ATP12A: variants seen among roughly 807,000 people sequenced by gnomAD.
ATP12A encodes the protein ATPase H+/K+ transporting non-gastric alpha2 subunit.
A neutral mutation model predicts 111.2 loss-of-function variants in ATP12A; 81 were observed. The ratio of observed to expected loss-of-function variants is 0.73; its 90% CI spans 0.61 to 0.88. ATP12A has a LOEUF of 0.88. Among genes scored for constraint, ATP12A ranks in the 40% least tolerant of loss-of-function variants. The pLI is 0.00. For synonymous variants in ATP12A, 498 were observed against 499.8 expected (o/e 1.00, Z 0.05); for missense variants, 1,196 against 1,313.1 (o/e 0.91, Z 1.38).
Position 24,711,662 on chromosome 13 carries a change from T to TGCAG in ATP12A, c.*142_*145dup. The TGCAG allele has an allele frequency of 8.7e-7, 1 of 1,153,764 alleles. No individual in the cohort carries two copies. Among genetic ancestry groups the TGCAG allele is most frequent in the East Asian group, 2.4e-5 (1 of 41,440 alleles). The allele number at this position is 1,153,764 out of a possible 1,614,324, so 71.5% of individuals were successfully genotyped here. On this transcript the variant is annotated 3_prime_UTR_variant, in exon 23 of 23. Transcript: ENST00000381946. ...GGAAATTTTCATGCAGAAAGCTGTA[T>TGCAG]GCAGGATGCTCACTGATGTTTTGCA...
chr13:24,711,019 A>G (rs753278866), intron 21 of ATP12A, 126 bp downstream of exon 21: 29 of 885,248 alleles, frequency 3.3e-5, no homozygotes, highest in South Asian at 6.6e-5. Context: ...AACTGATCCC[A>G]TGCTCTGTGA....
intron 16 of ATP12A, 23 bp downstream of exon 16, chr13:24,707,214 T>C: frequency 1.9e-6 from 3 of 1,613,216 alleles, no homozygotes; most frequent in Non-Finnish European, 2.5e-6. Context: ...CAGGGGGTCT[T>C]CCCAAGGGCC....
At chr13:24,688,031 G>A (rs1867768) in intron 3 of ATP12A, among the ~76,000 whole-genome samples, 35,611 of 152,042 alleles carry the variant, frequency 0.23, 4,641 homozygotes, top group East Asian at 0.47. Flanking sequence ...CCACCTCTGC[G>A]AATGACGAGA....
Position 24,685,521 on chromosome 13 carries a change from T to C in ATP12A, c.228+148T>C. On this transcript the variant is annotated intron_variant, in intron 3 of 22. Coordinates refer to ENST00000381946, the MANE Select transcript of ATP12A (RefSeq NM_001676.7). The surrounding 1 kb of genome is among the most constrained non-coding windows in gnomAD (Gnocchi z 5.5). ...GCCTTTGAGACTGCAGTTATTTGCA[T>C]CTGGACACAGTTCAAGTCAACAGAA... 1 of 742,216 alleles carries C rather than the reference T, an allele frequency of 1.3e-6. No individual in the cohort carries two copies. The highest frequency in any genetic ancestry group is 2.3e-6 in the Non-Finnish European group (1 of 431,912). 46.0% of individuals were successfully genotyped at this position (742,216 alleles called of 1,614,324 possible). A position where few individuals can be genotyped will look rare whatever the true frequency, so the allele number is the denominator to read the frequency against.
intron 21 of ATP12A, 104 bp from the exon 22 acceptor site, chr13:24,711,214 G>T: frequency 9.1e-7 from 1 of 1,098,940 alleles, no homozygotes; most frequent in Non-Finnish European, 1.3e-6. Context: ...GTCGTTCTTT[G>T]CAGTAAAGCA....
At chr13:24,706,961 G>A (rs924884218) in intron 15 of ATP12A, 62 bp from the exon 16 acceptor site, 5 of 1,508,398 alleles carry the variant, frequency 3.3e-6, no homozygotes, top group African/African-American at 1.4e-5. Context: ...TGTTGCTCTT[G>A]CCAGGCCTGC....
intron 10 of ATP12A, among the ~76,000 whole-genome samples, chr13:24,693,655 G>A (rs1035348633): frequency 7.9e-5 from 12 of 152,076 alleles, no homozygotes; most frequent in East Asian, 1.9e-4. Flanking sequence ...ACTTCCACCC[G>A]TACCCAGCCT....
intron 17 of ATP12A, 34 bp downstream of exon 17, chr13:24,707,467 C>G: frequency 6.2e-7 from 1 of 1,613,434 alleles, no homozygotes; most frequent in Non-Finnish European, 8.5e-7. Context: ...GCTGTGATGC[C>G]TGCCCCAGGG....
At chr13:24,703,024 G>A (rs1875461931) in intron 14 of ATP12A, among the ~76,000 whole-genome samples, 5 of 152,196 alleles carry the variant, frequency 3.3e-5, no homozygotes, top group Admixed American at 3.3e-4. Flanking sequence ...GGGACACACA[G>A]CTGTCAGGTC....
Position 24,712,442 on chromosome 13 carries a change from A to AT in ATP12A, c.*925dup, listed in dbSNP as rs1876012275. The AT allele has an allele frequency of 6.6e-6, 1 of 152,210 alleles. No homozygotes were observed. Among genetic ancestry groups the AT allele is most frequent in the African/African-American group, 2.4e-5 (1 of 41,444 alleles). 9.4% of individuals were successfully genotyped at this position (152,210 alleles called of 1,614,324 possible). A position where few individuals can be genotyped will look rare whatever the true frequency, so the allele number is the denominator to read the frequency against. On this transcript the variant is annotated 3_prime_UTR_variant, in exon 23 of 23. Transcript: ENST00000381946. ...ATGTTGACAGGCCCGGAAAGGCCTC[A>AT]TTTTTAACTAAAAGATGTTTTATAA...
chr13:24,705,180 G>A (rs893630931), intron 14 of ATP12A, among the ~76,000 whole-genome samples: 4 of 152,200 alleles, frequency 2.6e-5, no homozygotes, highest in Non-Finnish European at 5.9e-5. Context: ...GCTGAGATTT[G>A]AAGGCTGAAA....
At chr13:24,709,205 A>G (rs910722739) in intron 17 of ATP12A, among the ~76,000 whole-genome samples, 159 bp from the exon 18 acceptor site, 1 of 152,184 alleles carries the variant, frequency 6.6e-6, no homozygotes, top group Non-Finnish European at 1.5e-5. Context: ...TTAAATTTCC[A>G]TACAGACAAC....
chr13:24,680,571 G>A lies in ATP12A; in HGVS notation c.-173G>A. ...GTGCCACCTCCCCGGTGCAGCGGCT[G>A]GCGATCGGCCGCGGAGGTGCGTGCA... On this transcript the variant is annotated 5_prime_UTR_variant, in exon 1 of 23. Transcript: ENST00000381946. The A allele has an allele frequency of 1.6e-6, 1 of 636,824 alleles. No homozygotes were observed. The highest frequency in any genetic ancestry group is 2.5e-6 in the Non-Finnish European group (1 of 405,972). 39.4% of individuals were successfully genotyped at this position (636,824 alleles called of 1,614,324 possible).
At chr13:24,681,746 C>T (rs1332845342) in intron 2 of ATP12A, 26 bp downstream of exon 2, 1 of 1,613,662 alleles carries the variant, frequency 6.2e-7, no homozygotes, top group East Asian at 2.2e-5. Flanking sequence ...CCACGGGGTC[C>T]TGCCGGCTAT....
chr13:24,703,212 TCACTTTAGAATTTTAAA>T (rs1167178706), intron 14 of ATP12A, among the ~76,000 whole-genome samples: 3 of 152,184 alleles, frequency 2.0e-5, no homozygotes, highest in Non-Finnish European at 4.4e-5. Context: ...ATACTTTTTT[TCACTTTAGAATTTTAAA>T]CAAATTTTGT....
At chr13:24,704,047 G>A (rs1430458080) in intron 14 of ATP12A, among the ~76,000 whole-genome samples, 12 of 151,614 alleles carry the variant, frequency 7.9e-5, no homozygotes, top group Non-Finnish European at 1.6e-4. Flanking sequence ...CTAGGCTGGA[G>A]TGTGGAGTGC....
At chr13:24,698,548 G>T in intron 11 of ATP12A, 110 bp from the exon 12 acceptor site, 1 of 1,209,462 alleles carries the variant, frequency 8.3e-7, no homozygotes, top group Non-Finnish European at 1.1e-6. Flanking sequence ...GGCGGAACAT[G>T]CTGAGGATGC....
In ATP12A at chr13:24,691,202, T is replaced by C; in HGVS notation, c.1020T>C (p.Ile340=). 1 of 1,614,100 alleles carries C rather than the reference T, an allele frequency of 6.2e-7. No individual in the cohort carries two copies. The highest frequency in any genetic ancestry group is 8.5e-7 in the Non-Finnish European group (1 of 1,179,982). Residue 340 remains isoleucine (I), a synonymous_variant, in exon 8 of 23, where the codon ATT becomes ATC. Transcript: ENST00000381946. ...YQVLDSIIFL[I]GIIVANVPEG... ...TCCTGGACTCCATCATCTTCCTCAT[T>C]GGCATCATTGTGGCCAATGTGCCCG...
intron 17 of ATP12A, among the ~76,000 whole-genome samples, chr13:24,708,891 A>G (rs534800355): frequency 5.9e-4 from 71 of 119,650 alleles, no homozygotes; most frequent in African/African-American, 2.2e-3. Flanking sequence ...AGAAAGAGAA[A>G]GAAAGAAAGG....
Sources: gnomAD v4.1 joint callset for allele counts (sites outside exome capture counted in the v4.1 genomes callset) on GRCh38, gnomAD v4.1.1 for gene constraint, Gnocchi (gnomAD v3.1) non-coding constraint, MANE v1.5 for transcripts, NCBI Gene and HGNC (gene_info 2026-07-23, HGNC 2026-07-21) for gene names.